Variants in KIAA1217 observed in about 807,000 individuals in gnomAD.
The protein encoded by KIAA1217 is KIAA1217.
KIAA1217 carries 88 observed loss-of-function variants against 163.9 expected under a neutral mutation model. That is an observed-to-expected ratio of 0.54 (90% CI 0.45 to 0.64). KIAA1217 has a LOEUF of 0.64. Among genes scored for constraint, KIAA1217 ranks in the 30% least tolerant of loss-of-function variants. The pLI is 0.00. For missense variants in KIAA1217, 2,372 were observed against 2,475.0 expected (o/e 0.96, Z 0.88); for synonymous variants, 903 against 923.1 (o/e 0.98, Z 0.39).
Position 24,023,762 on chromosome 10 carries a change from TATAA to T in KIAA1217, c.-171+16396_-171+16399del, listed in dbSNP as rs561076693. 3.7e-3 allele frequency among the ~76,000 whole-genome samples: 560 copies of T among 151,870 alleles called. 1 individual carries two copies. The highest frequency in any genetic ancestry group is 6.1e-3 in the Non-Finnish European group (411 of 67,778). On this transcript the variant is annotated intron_variant, in intron 2 of 18. Coordinates refer to the KIAA1217 transcript ENST00000376462. ...GAATAATCAAATTGTAATATTGTTA[TATAA>T]ATAAATACCACATAGCAATGAAAAA... is the stretch of plus-strand genomic sequence containing the variant.
chr10:24,257,096 A>G (rs1305076756), intron 2 of KIAA1217, among the ~76,000 whole-genome samples: 9 of 152,222 alleles, frequency 5.9e-5, no homozygotes, highest in Non-Finnish European at 5.9e-5. Flanking sequence ...AAGGAAACCC[A>G]TGGCCATGGT....
chr10:24,473,765 C>G lies in KIAA1217; in HGVS notation c.1384C>G (p.His462Asp). 1 of 1,614,070 alleles carries G rather than the reference C, an allele frequency of 6.2e-7. No individual in the cohort carries two copies. Among genetic ancestry groups the G allele is most frequent in the Middle Eastern group, 1.6e-4 (1 of 6,062 alleles). ...RQKSRKYPDS[H>D]LPTLGSKTPP... The stretch of plus-strand genomic sequence containing the variant: ...GAAATCAAGGAAATATCCGGATAGC[C>G]ATTTGCCTACACTGGGCTCCAAAAC... The change falls in exon 6 of 21, where the codon CAT becomes GAT. Residue 462 changes from histidine to aspartate, a missense_variant. His to Asp is a moderately conservative substitution (Grantham distance 81, BLOSUM62 -1). Transcript: ENST00000376454.
intron 1 of KIAA1217, among the ~76,000 whole-genome samples, chr10:23,825,695 T>A (rs2131025734): frequency 6.6e-6 from 1 of 152,338 alleles, no homozygotes; most frequent in African/African-American, 2.4e-5. Flanking sequence ...TCTGGATTGC[T>A]AAGCACTTAG....
intron 1 of KIAA1217, among the ~76,000 whole-genome samples, chr10:23,918,600 G>A (rs11013784): frequency 0.41 from 62,351 of 151,982 alleles, 16,774 homozygotes; most frequent in African/African-American, 0.77. Flanking sequence ...ACCTGCTGTC[G>A]GCATCAGGCT....
At chr10:24,363,600 T>C (rs534983783) in intron 2 of KIAA1217, among the ~76,000 whole-genome samples, 2 of 151,162 alleles carry the variant, frequency 1.3e-5, no homozygotes, top group East Asian at 3.9e-4. Context: ...GGTCTTACTC[T>C]GTTGACCGAG....
intron 1 of KIAA1217, among the ~76,000 whole-genome samples, chr10:23,698,392 A>C (rs1817991293): frequency 6.6e-6 from 1 of 152,232 alleles, no homozygotes; most frequent in Admixed American, 6.5e-5. Flanking sequence ...AAATGTTGGA[A>C]TTCTTTAACC....
chr10:24,016,713 C>T (rs1356490887), intron 2 of KIAA1217, among the ~76,000 whole-genome samples: 1 of 151,944 alleles, frequency 6.6e-6, no homozygotes, highest in Non-Finnish European at 1.5e-5. Flanking sequence ...TGCTTTTTAC[C>T]TTACCTAGTT....
At chr10:24,099,887 G>A (rs1016382425) in intron 2 of KIAA1217, among the ~76,000 whole-genome samples, 1 of 151,944 alleles carries the variant, frequency 6.6e-6, no homozygotes, top group Non-Finnish European at 1.5e-5. Context: ...TAGGTTACTA[G>A]TTTTGCCACT....
chr10:24,257,977 G>T (rs965069212), intron 2 of KIAA1217, among the ~76,000 whole-genome samples: 2 of 151,894 alleles, frequency 1.3e-5, no homozygotes, highest in Non-Finnish European at 2.9e-5. Flanking sequence ...GCAGAGAGGG[G>T]TTCCTCCCAG....
At chr10:24,334,090 A>G (rs1184470180) in intron 2 of KIAA1217, among the ~76,000 whole-genome samples, 1 of 152,194 alleles carries the variant, frequency 6.6e-6, no homozygotes, top group Non-Finnish European at 1.5e-5. Flanking sequence ...CTTTAAAATT[A>G]TGAGCAATTG....
intron 1 of KIAA1217, among the ~76,000 whole-genome samples, chr10:23,738,143 T>C (rs937902949): frequency 6.6e-6 from 1 of 152,148 alleles, no homozygotes; most frequent in Non-Finnish European, 1.5e-5. Flanking sequence ...AGTTGATTTT[T>C]CCCCCACTTT....
At chr10:23,806,048 G>A (rs118073049) in intron 1 of KIAA1217, among the ~76,000 whole-genome samples, 1,624 of 137,140 alleles carry the variant, frequency 0.012, 18 homozygotes, top group Non-Finnish European at 0.018. Flanking sequence ...AAGAGAAAAA[G>A]GTGTATGAAT....
At chr10:23,921,082 T>A in intron 1 of KIAA1217, among the ~76,000 whole-genome samples, 1 of 152,176 alleles carries the variant, frequency 6.6e-6, no homozygotes. Flanking sequence ...AAGTCTCAGG[T>A]GTTTCTTCAT....
intron 1 of KIAA1217, among the ~76,000 whole-genome samples, chr10:23,813,165 G>T (rs959654369): frequency 2.6e-5 from 4 of 151,956 alleles, no homozygotes; most frequent in African/African-American, 9.7e-5. Flanking sequence ...TTGTGGTTTG[G>T]GTTTGTTTTT....
At chr10:24,374,369 C>A (rs1445917592) in intron 2 of KIAA1217, among the ~76,000 whole-genome samples, 2 of 152,166 alleles carry the variant, frequency 1.3e-5, no homozygotes, top group Admixed American at 6.5e-5. Context: ...CATCCAGCAT[C>A]CAGATGTCCA....
intron 5 of KIAA1217, among the ~76,000 whole-genome samples, chr10:24,450,503 T>C (rs1427585496): frequency 6.6e-6 from 1 of 152,230 alleles, no homozygotes; most frequent in East Asian, 1.9e-4. Context: ...TATTTTTGCA[T>C]TGATTTCCTT....
intron 2 of KIAA1217, among the ~76,000 whole-genome samples, chr10:24,118,696 C>A (rs571633835): frequency 6.8e-6 from 1 of 146,384 alleles, no homozygotes; most frequent in Admixed American, 6.9e-5. Flanking sequence ...TTACTTACAT[C>A]CTGGATTTGC....
intron 1 of KIAA1217, among the ~76,000 whole-genome samples, chr10:23,831,312 AAAAC>A (rs1175505096): frequency 3.9e-5 from 6 of 152,278 alleles, no homozygotes; most frequent in Non-Finnish European, 5.9e-5. Context: ...GGAAAACCAA[AAAAC>A]AAACAAACAA....
At chr10:24,363,550 T>C (rs1231780552) in intron 2 of KIAA1217, among the ~76,000 whole-genome samples, 1 of 130,836 alleles carries the variant, frequency 7.6e-6, no homozygotes, top group Non-Finnish European at 1.6e-5. Context: ...CTTTAGTTTT[T>C]TGTGGGTTTT....
Sources: allele counts gnomAD v4.1 joint callset (sites outside exome capture counted in the v4.1 genomes callset), GRCh38; gene constraint gnomAD v4.1.1; transcripts MANE v1.5; gene names NCBI Gene and HGNC (gene_info 2026-07-23, HGNC 2026-07-21).